Variants in ZFR observed in about 807,000 individuals in gnomAD.
ZFR encodes the protein zinc finger RNA-binding protein.
A neutral mutation model predicts 130.7 loss-of-function variants in ZFR; 19 were observed. The ratio of observed to expected loss-of-function variants is 0.15; its 90% CI spans 0.10 to 0.21. The LOEUF (loss-of-function observed/expected upper bound fraction) is 0.21, where lower values mean the gene tolerates loss of function less well. Among genes scored for constraint, ZFR ranks in the 10% least tolerant of loss-of-function variants. The pLI, the probability that ZFR is intolerant of heterozygous loss-of-function variation, is 1.00. For missense variants in ZFR, 872 were observed against 1,321.5 expected, an observed-to-expected ratio of 0.66 and a Z score of 5.27; for synonymous variants, 466 against 456.9, an observed-to-expected ratio of 1.02 and a Z score of -0.25.
Position 32,354,623 on chromosome 5 carries a change from T to A in ZFR, c.*1137A>T, listed in dbSNP as rs56046182. Reference sequence around the variant, plus strand: ...ATGGCCACACCAAATAATTTTCTGTTTTTTTCCTTAGATAATTTTTTATCA... The same window carrying A: ...ATGGCCACACCAAATAATTTTCTGTATTTTTCCTTAGATAATTTTTTATCA... On this transcript the variant is annotated 3_prime_UTR_variant, in exon 20 of 20. Transcript: ENST00000265069. 1 of 152,634 alleles carries A rather than the reference T, an allele frequency of 6.6e-6. No individual in the cohort carries two copies. The highest frequency in any genetic ancestry group is 6.5e-5 in the Admixed American group (1 of 15,282). 9.5% of individuals were successfully genotyped at this position (152,634 alleles called of 1,614,324 possible).
intron 15 of ZFR, among the ~76,000 whole-genome samples, chr5:32,382,039 T>C (rs775523425): frequency 6.6e-5 from 10 of 152,148 alleles, no homozygotes; most frequent in Non-Finnish European, 1.3e-4. Flanking sequence ...CAGTGGCTCA[T>C]GCCTGTAATC....
rs779448416 is a variant in ZFR at position 32,402,011 on chromosome 5, T to C, written c.1516+1095A>G. 5.9e-5 allele frequency among the ~76,000 whole-genome samples: 9 copies of C among 152,278 alleles called. 1 individual carries two copies. Among genetic ancestry groups the C allele is most frequent in the South Asian group, 4.1e-4 (2 of 4,820 alleles). ...AATTAATGGGTTAGAATGAGACACA[T>C]TGGGAGGCATCCACACCGCCATATA... On this transcript the variant is annotated intron_variant, in intron 8 of 19. Transcript: ENST00000265069.
At position 32,400,117 on chromosome 5, in the gene ZFR, C is replaced by G. The variant is rs1372476268; in HGVS notation, c.1603G>C (p.Val535Leu). The G allele has an allele frequency of 1.2e-6, 2 of 1,613,518 alleles. No homozygotes were observed. Among genetic ancestry groups the G allele is most frequent in the South Asian group, 1.1e-5 (1 of 91,028 alleles). ...TCTTGCTTTACTTCAGGAATCTGCA[C>G]AGCAGAAGTGACAGGAGTACTTTTA... is the stretch of plus-strand genomic sequence containing the variant. ...CVKSTPVTSAVQIPEVKQDTV... is the reference protein window; with the variant it reads ...CVKSTPVTSALQIPEVKQDTV... The change falls in exon 9 of 20, where the codon GTG becomes CTG. Residue 535 changes from valine to leucine, a missense_variant. Physicochemically the swap from Val to Leu is conservative, Grantham distance 32. Coordinates refer to ENST00000265069, the MANE Select transcript of ZFR (RefSeq NM_016107.5).
intron 2 of ZFR, among the ~76,000 whole-genome samples, chr5:32,442,951 A>G (rs1247299367): frequency 7.2e-6 from 1 of 138,232 alleles, no homozygotes; most frequent in Admixed American, 7.6e-5. Flanking sequence ...CATGCCGGTA[A>G]TCCTAGCACT....
chr5:32,436,165 T>C (rs990190287), intron 2 of ZFR, among the ~76,000 whole-genome samples: 3 of 123,356 alleles, frequency 2.4e-5, no homozygotes, highest in African/African-American at 8.8e-5. Context: ...TTTTTTTTTT[T>C]TGAGATGGAG....
At chr5:32,374,763 GTTGA>G (rs1247714831) in intron 17 of ZFR, among the ~76,000 whole-genome samples, 1 of 151,964 alleles carries the variant, frequency 6.6e-6, no homozygotes, top group Non-Finnish European at 1.5e-5. Flanking sequence ...TATTGAATGG[GTTGA>G]TTTTTTTAAA....
chr5:32,375,150 G>T (rs1752770490), intron 17 of ZFR, among the ~76,000 whole-genome samples: 1 of 152,136 alleles, frequency 6.6e-6, no homozygotes, highest in Non-Finnish European at 1.5e-5. Context: ...TGCAAAGGTA[G>T]CTCAAAATGA....
At chr5:32,426,058 T>C (rs1159276040) in intron 2 of ZFR, among the ~76,000 whole-genome samples, 1 of 152,192 alleles carries the variant, frequency 6.6e-6, no homozygotes, top group Admixed American at 6.5e-5. Context: ...ATGAAATTGC[T>C]TAATTCATTA....
At chr5:32,427,339 C>A (rs1462258059) in intron 2 of ZFR, among the ~76,000 whole-genome samples, 2 of 128,280 alleles carry the variant, frequency 1.6e-5, no homozygotes, top group Admixed American at 1.9e-4. Context: ...TGGCCGTGAT[C>A]GTGCCAGTCT....
At position 32,401,970 on chromosome 5, in the gene ZFR, T is replaced by C. The variant is rs188515275; in HGVS notation, c.1516+1136A>G. Among the ~76,000 whole-genome samples the C allele has an allele frequency of 8.9e-4, 135 of 152,320 alleles. 1 individual carries two copies. Among genetic ancestry groups the C allele is most frequent in the Non-Finnish European group, 1.7e-3 (114 of 68,016 alleles). The stretch of plus-strand genomic sequence containing the variant: ...TCTGCAATTTTATGACATTATTTCA[T>C]GGTACTCTTCTCATGAATTAATGGG... On this transcript the variant is annotated intron_variant, in intron 8 of 19. Transcript: ENST00000265069.
At chr5:32,383,699 A>C in intron 15 of ZFR, 2 of 454,656 alleles carry the variant, frequency 4.4e-6, no homozygotes, top group South Asian at 3.1e-5. Flanking sequence ...AAAGCAAGCT[A>C]TAGGCTTTAA....
chr5:32,390,785 C>T (rs984255863), intron 11 of ZFR, among the ~76,000 whole-genome samples: 1 of 152,182 alleles, frequency 6.6e-6, no homozygotes, highest in East Asian at 1.9e-4. Flanking sequence ...CACAGATCAA[C>T]ATTTGGGAAT....
chr5:32,435,791 T>C (rs1013466774), intron 2 of ZFR, among the ~76,000 whole-genome samples: 1 of 152,230 alleles, frequency 6.6e-6, no homozygotes, highest in African/African-American at 2.4e-5. Context: ...TATTTTCATT[T>C]GATTGATTTC....
At chr5:32,412,844 A>G (rs916637890) in intron 5 of ZFR, among the ~76,000 whole-genome samples, 1 of 152,242 alleles carries the variant, frequency 6.6e-6, no homozygotes, top group African/African-American at 2.4e-5. Context: ...GGTGAATGGC[A>G]TAAAAAATAG....
chr5:32,378,906 C>T (rs1378983532), intron 17 of ZFR, among the ~76,000 whole-genome samples: 1 of 149,030 alleles, frequency 6.7e-6, no homozygotes, highest in East Asian at 2.0e-4. Context: ...GAAAAAAACA[C>T]ACAAAGAGAA....
Position 32,375,392 on chromosome 5 carries a change from C to T in ZFR, c.2835+3723G>A, listed in dbSNP as rs534388367. On this transcript the variant is annotated intron_variant, in intron 17 of 19. Transcript: ENST00000265069. ...GAAACATTTTTAATACAATCAGTAA[C>T]GTATCATACATGTCAAGCAGTATTT... Among the ~76,000 whole-genome samples, 5 of 152,146 alleles carry T rather than the reference C, an allele frequency of 3.3e-5. No homozygotes were observed. The South Asian group carries it at 8.3e-4, about 25-fold the overall frequency.
intron 19 of ZFR, among the ~76,000 whole-genome samples, chr5:32,356,655 G>A (rs1489720626): frequency 6.6e-6 from 1 of 151,790 alleles, no homozygotes; most frequent in South Asian, 2.1e-4. Context: ...TCCTGACCTC[G>A]TGATCCGCCC....
intron 5 of ZFR, among the ~76,000 whole-genome samples, chr5:32,408,308 T>C (rs1753621265): frequency 1.8e-5 from 2 of 111,482 alleles, no homozygotes; most frequent in Admixed American, 1.1e-4. Context: ...TTGTGAACGT[T>C]TGATTAAAAA....
At chr5:32,417,577 T>C in intron 4 of ZFR, 71 bp downstream of exon 4, 2 of 1,583,588 alleles carry the variant, frequency 1.3e-6, no homozygotes, top group Non-Finnish European at 1.7e-6. Flanking sequence ...CAAAAGCTTA[T>C]CTTCATTAAA....
Sources: gnomAD v4.1 joint callset for allele counts (sites outside exome capture counted in the v4.1 genomes callset) on GRCh38, gnomAD v4.1.1 for gene constraint, MANE v1.5 for transcripts, NCBI Gene and HGNC (gene_info 2026-07-23, HGNC 2026-07-21) for gene names.